Variants in PITRM1 observed in about 807,000 individuals in gnomAD.
PITRM1 encodes pitrilysin metallopeptidase 1.
A neutral mutation model predicts 129.9 loss-of-function variants in PITRM1; 100 were observed. The observed-to-expected ratio is 0.77, with a 90% CI of 0.65 to 0.91. The LOEUF (loss-of-function observed/expected upper bound fraction) is 0.91, where lower values mean the gene tolerates loss of function less well. PITRM1 is among the 40% of genes least tolerant of loss of function. PITRM1 has a pLI of 0.00. For synonymous variants in PITRM1, 591 were observed against 508.8 expected (o/e 1.16, Z -2.17); for missense variants, 1,471 against 1,318.3 (o/e 1.12, Z -1.79).
intron 7 of PITRM1, among the ~76,000 whole-genome samples, chr10:3,161,531 A>C (rs767091465): frequency 6.3e-4 from 96 of 152,282 alleles, no homozygotes; most frequent in Non-Finnish European, 1.1e-3. Flanking sequence ...GGGTTGAGAG[A>C]ATCCAGGAGC....
Position 3,138,118 on chromosome 10 carries a change from G to C in PITRM1, c.3027C>G (p.Leu1009=). 1 of 1,607,942 alleles carries C rather than the reference G, an allele frequency of 6.2e-7. No individual in the cohort carries two copies. The highest frequency in any genetic ancestry group is 8.5e-7 in the Non-Finnish European group (1 of 1,176,488). The change falls in exon 27 of 27, where the codon CTC becomes CTG. Residue 1009 remains leucine, a synonymous_variant. Coordinates refer to ENST00000224949, the MANE Select transcript of PITRM1 (RefSeq NM_014889.4). ...DKLLAVSDRY[L]GTGKSTHGLA... is the part of the protein sequence containing the mutation. ...GGCCGTGTGTGCTCTTCCCAGTGCC[G>C]AGGTATCTGAGAGGAAGGCAGGCGT... is the stretch of plus-strand genomic sequence containing the variant.
chr10:3,148,323 C>T, intron 16 of PITRM1, 32 bp from the exon 17 acceptor site: 1 of 1,567,134 alleles, frequency 6.4e-7, no homozygotes, highest in Middle Eastern at 2.0e-4. Context: ...GCCCCGATTA[C>T]AAGTCAGTCT....
Position 3,149,744 on chromosome 10 carries a change from A to T in PITRM1, c.1748T>A (p.Ile583Asn). Reference protein sequence around the residue: ...ELDVVLTAGDIPVQYCAQPTN... With the variant: ...ELDVVLTAGDNPVQYCAQPTN... ...GGGCTGGGCGCAGTACTGAACAGGG[A>T]TATCTCCAGCTAGAAAAACAAAAGG... Residue 583 changes from isoleucine to asparagine, a missense_variant, in exon 16 of 27, where the codon ATC (isoleucine) becomes AAC (asparagine). Transcript: ENST00000224949. 2 of 1,613,782 alleles carry T rather than the reference A, an allele frequency of 1.2e-6. No individual in the cohort carries two copies. Among genetic ancestry groups the T allele is most frequent in the South Asian group, 1.1e-5 (1 of 91,030 alleles).
rs189721094 is a variant in PITRM1 at position 3,147,879 on chromosome 10, G to A, written c.2069+108C>T. ...CCATATGAACTACAAGTAAAAGTCA[G>A]ACTTGGAAAACAACAACACACACGA... On this transcript the variant is annotated intron_variant, in intron 18 of 26. Coordinates refer to ENST00000224949, the MANE Select transcript of PITRM1 (RefSeq NM_014889.4). 422 of 1,200,290 alleles carry A rather than the reference G, an allele frequency of 3.5e-4. 2 individuals carry two copies. The highest frequency in any genetic ancestry group is 3.1e-3 in the South Asian group (231 of 75,406). 74.4% of individuals were successfully genotyped at this position (1,200,290 alleles called of 1,614,324 possible).
chr10:3,170,197 G>A lies in PITRM1; in HGVS notation c.66C>T (p.His22=). ...TACTGTTCCATCGCCACGCTCTGTG[G>A]TGTGCATGTCTAGATTAAAAGTCAT... ...VLRRLSGGHA[H]HRAWRWNSNR... The change falls in exon 2 of 27, where the codon CAC becomes CAT. Residue 22 remains histidine (H), a synonymous_variant. Coordinates refer to ENST00000224949, the MANE Select transcript of PITRM1 (RefSeq NM_014889.4). 1 of 1,613,538 alleles carries A rather than the reference G, an allele frequency of 6.2e-7. No homozygotes were observed. Among genetic ancestry groups the A allele is most frequent in the Non-Finnish European group, 8.5e-7 (1 of 1,179,464 alleles).
At chr10:3,142,248 C>T (rs1474453364) in intron 23 of PITRM1, among the ~76,000 whole-genome samples, 1 of 152,216 alleles carries the variant, frequency 6.6e-6, no homozygotes, top group Non-Finnish European at 1.5e-5. Context: ...ACAGCCAGCT[C>T]TTTCTGGGCC....
chr10:3,142,374 G>A (rs555078599), intron 23 of PITRM1, among the ~76,000 whole-genome samples: 4 of 152,342 alleles, frequency 2.6e-5, no homozygotes, highest in Admixed American at 1.3e-4. Flanking sequence ...AGGACAGGCT[G>A]CCCAGGCCTA....
intron 16 of PITRM1, chr10:3,148,502 C>G: frequency 3.6e-6 from 2 of 559,716 alleles, no homozygotes; most frequent in South Asian, 6.1e-5. Flanking sequence ...ACCCCAGTTT[C>G]TCCCGCCTAG....
intron 1 of PITRM1, 72 bp downstream of exon 1, chr10:3,172,645 G>T: frequency 7.3e-7 from 1 of 1,363,300 alleles, no homozygotes; most frequent in Non-Finnish European, 9.8e-7. Context: ...GGACCCCTAC[G>T]CCTCCGGCCT....
At position 3,138,235 on chromosome 10, in the gene PITRM1, C is replaced by CT; in HGVS notation, c.3019dup (p.Arg1007LysfsTer74). 1 of 1,611,464 alleles carries CT rather than the reference C, an allele frequency of 6.2e-7. No homozygotes were observed. The highest frequency in any genetic ancestry group is 8.5e-7 in the Non-Finnish European group (1 of 1,177,562). ...GCTGTCTCCCCCGCTCCCCACTCAC[C>CT]TATCGCTCACGGCCAGGAGCTTGTC... On this transcript the variant is annotated frameshift_variant and splice_region_variant, in exon 26 of 27. Coordinates refer to ENST00000224949, the MANE Select transcript of PITRM1 (RefSeq NM_014889.4). LOFTEE classifies it low-confidence loss of function (END_TRUNC).
intron 1 of PITRM1, 150 bp from the exon 2 acceptor site, chr10:3,170,356 A>C (rs1843230809): frequency 3.5e-6 from 2 of 574,248 alleles, no homozygotes; most frequent in Non-Finnish European, 6.1e-6. Flanking sequence ...CATTCCAGAA[A>C]ACTGATTTCT....
chr10:3,155,423 G>C (rs1279785736), intron 14 of PITRM1, among the ~76,000 whole-genome samples, 168 bp downstream of exon 14: 1 of 152,194 alleles, frequency 6.6e-6, no homozygotes, highest in Admixed American at 6.5e-5. Flanking sequence ...CTACACGGGC[G>C]ATTTTCTGAG....
At chr10:3,167,521 C>T (rs548686349) in intron 2 of PITRM1, among the ~76,000 whole-genome samples, 1 of 152,296 alleles carries the variant, frequency 6.6e-6, no homozygotes, top group East Asian at 1.9e-4. Context: ...GGTGTCTGCC[C>T]TTCCCATGGT....
At chr10:3,165,700 C>T (rs567359372) in intron 4 of PITRM1, among the ~76,000 whole-genome samples, 173 bp from the exon 5 acceptor site, 1 of 152,188 alleles carries the variant, frequency 6.6e-6, no homozygotes, top group Admixed American at 6.5e-5. Flanking sequence ...CAGCTCATAA[C>T]CCCAAGTGCC....
intron 7 of PITRM1, among the ~76,000 whole-genome samples, chr10:3,161,796 T>C (rs1172627129): frequency 6.7e-6 from 1 of 149,672 alleles, no homozygotes; most frequent in Non-Finnish European, 1.5e-5. Context: ...TATATACATA[T>C]ACAGAAATAT....
Position 3,169,864 on chromosome 10 carries a change from T to C in PITRM1, c.159+240A>G, listed in dbSNP as rs139420864. Among the ~76,000 whole-genome samples the C allele has an allele frequency of 1.4e-3, 212 of 152,288 alleles. 3 individuals are homozygous for C. Among genetic ancestry groups the C allele is most frequent in the African/African-American group, 4.7e-3 (194 of 41,562 alleles). ...CTGATTACAGAGACCCAGCTGGAAG[T>C]GTTACTCTCTAAAATCTCACAAGAA... On this transcript the variant is annotated intron_variant, in intron 2 of 26. Coordinates refer to ENST00000224949, the MANE Select transcript of PITRM1 (RefSeq NM_014889.4).
Position 3,149,650 on chromosome 10 carries a change from A to T in PITRM1, c.1842T>A (p.Tyr614Ter). The change falls in exon 16 of 27, where the codon TAT (tyrosine) becomes TAA (stop). Residue 614 changes from tyrosine to a stop codon, truncating the protein, a stop_gained. Transcript: ENST00000224949. LOFTEE classifies it high-confidence loss of function. ...TGAGGACGCTGCAGAAGAGGGGCAC[A>T]TAGGGCCTCAGCTCCTCGGGGAGTG... ...LNTLPEELRP[Y>*]VPLFCSVLTK... is the part of the protein sequence containing the mutation. 6.3e-7 allele frequency: 1 copy of T among 1,591,424 alleles called. No homozygotes were observed. Among genetic ancestry groups the T allele is most frequent in the Non-Finnish European group, 8.5e-7 (1 of 1,171,510 alleles).
rs1408646329 is a variant in PITRM1, at chr10:3,160,302, C to T, written c.820G>A (p.Glu274Lys). ...TCGTGAATTTGTTTCAGATGCTGTT[C>T]TAATGGAAAATTACCGTACGTGAAG... is the stretch of plus-strand genomic sequence containing the variant. The part of the protein sequence containing the change: ...RFFTYGNFPL[E>K]QHLKQIHEEA... The change falls in exon 8 of 27, where the codon GAA becomes AAA. Residue 274 changes from glutamate (E) to lysine (K), a missense_variant. Transcript: ENST00000224949. 1 of 1,612,904 alleles carries T rather than the reference C, an allele frequency of 6.2e-7. No individual in the cohort carries two copies. Among genetic ancestry groups the T allele is most frequent in the African/African-American group, 1.3e-5 (1 of 74,990 alleles).
chr10:3,171,002 C>CTCT (rs931776159), intron 1 of PITRM1, among the ~76,000 whole-genome samples: 1 of 151,690 alleles, frequency 6.6e-6, no homozygotes, highest in African/African-American at 2.4e-5. Context: ...ATCCATTCAC[C>CTCT]TCTTGGTCTC....
Sources: gnomAD v4.1 joint callset for allele counts (sites outside exome capture counted in the v4.1 genomes callset) on GRCh38, gnomAD v4.1.1 for gene constraint, MANE v1.5 for transcripts, NCBI Gene and HGNC (gene_info 2026-07-23, HGNC 2026-07-21) for gene names.